The following CTNNA2 variants were observed in gnomAD, a reference collection of about 807,000 sequenced individuals.
CTNNA2 encodes the protein catenin alpha-2.
CTNNA2 carries 42 observed loss-of-function variants against 101.0 expected under a neutral mutation model. The ratio of observed to expected loss-of-function variants is 0.42; its 90% confidence interval spans 0.32 to 0.54. CTNNA2 has a LOEUF of 0.54. CTNNA2 is among the 20% of genes least tolerant of loss of function. CTNNA2 has a pLI of 0.14. For missense variants in CTNNA2, 871 were observed against 1,223.1 expected, an observed-to-expected ratio of 0.71 and a Z score of 4.29; for synonymous variants, 450 against 456.4, an observed-to-expected ratio of 0.99 and a Z score of 0.18.
chr2:79,271,345 G>A (rs1173601423), intron 2 of CTNNA2, among the ~76,000 whole-genome samples: 3 of 152,054 alleles, frequency 2.0e-5, no homozygotes, highest in South Asian at 2.1e-4. Context: ...TAATGCACAC[G>A]TGGGTCACTA....
At chr2:80,601,169 A>G (rs1212465505) in intron 15 of CTNNA2, among the ~76,000 whole-genome samples, 1 of 152,074 alleles carries the variant, frequency 6.6e-6, no homozygotes, top group Non-Finnish European at 1.5e-5. Flanking sequence ...TCCAGCACTC[A>G]TGTCAATTCT....
intron 4 of CTNNA2, among the ~76,000 whole-genome samples, chr2:79,485,270 A>G (rs723932): frequency 0.32 from 48,612 of 152,066 alleles, 8,581 homozygotes; most frequent in Non-Finnish European, 0.39. Context: ...ATAGAATCAC[A>G]GCATGCAATT....
intron 2 of CTNNA2, among the ~76,000 whole-genome samples, chr2:79,716,634 G>A (rs979055735): frequency 6.6e-6 from 1 of 152,142 alleles, no homozygotes; most frequent in Non-Finnish European, 1.5e-5. Context: ...GCAGCCCTAG[G>A]GAACGGCAGT....
chr2:79,857,360 C>A (rs1411736736), intron 3 of CTNNA2, among the ~76,000 whole-genome samples: 1 of 152,234 alleles, frequency 6.6e-6, no homozygotes, highest in African/African-American at 2.4e-5. Context: ...ACTTTGAACT[C>A]CTTGTGCCTG....
intron 7 of CTNNA2, among the ~76,000 whole-genome samples, chr2:80,284,106 C>T (rs942031150): frequency 6.6e-6 from 1 of 152,008 alleles, no homozygotes; most frequent in Admixed American, 6.6e-5. Flanking sequence ...ATACATTTAG[C>T]GGGACTACAC....
chr2:80,352,794 GTA>G (rs1673429763), intron 7 of CTNNA2, among the ~76,000 whole-genome samples: 1 of 151,916 alleles, frequency 6.6e-6, no homozygotes, highest in Non-Finnish European at 1.5e-5. Flanking sequence ...TAAGACAAAT[GTA>G]TCTTCAGTTG....
At chr2:79,715,832 G>T (rs1215662647) in intron 2 of CTNNA2, among the ~76,000 whole-genome samples, 1 of 148,458 alleles carries the variant, frequency 6.7e-6, no homozygotes, top group Non-Finnish European at 1.5e-5. Flanking sequence ...TATATACTAG[G>T]ATAGATACGT....
upstream of CTNNA2, among the ~76,000 whole-genome samples, chr2:79,508,502 T>A (rs1460798130): frequency 3.3e-5 from 5 of 152,106 alleles, no homozygotes; most frequent in South Asian, 2.1e-4. Flanking sequence ...AGAAGACATA[T>A]TAAAGCTTAT....
intron 3 of CTNNA2, among the ~76,000 whole-genome samples, chr2:79,829,744 G>T (rs62140158): frequency 1.4e-5 from 2 of 146,082 alleles, no homozygotes; most frequent in Admixed American, 1.4e-4. Flanking sequence ...TTTTGAGACG[G>T]AGTCTCGCTC....
At chr2:79,328,052 A>T (rs1573082398) in intron 3 of CTNNA2, among the ~76,000 whole-genome samples, 2 of 152,258 alleles carry the variant, frequency 1.3e-5, no homozygotes, top group East Asian at 3.9e-4. Flanking sequence ...GAAGAGTTAG[A>T]AGGGAAGCGA....
rs2104510819 is a variant in CTNNA2 at position 79,432,029 on chromosome 2, C to A, written c.-135+58016C>A. Among the ~76,000 whole-genome samples the A allele has an allele frequency of 2.0e-5, 3 of 152,284 alleles. 1 individual carries two copies. The highest frequency in any genetic ancestry group is 4.1e-4 in the South Asian group (2 of 4,828). On this transcript the variant is annotated intron_variant, in intron 4 of 21. Transcript: ENST00000466387. Reference sequence around the variant, plus strand: ...GAAAGATATTATAGGTGACTTCCAACATGGAGATGAGGAAGCTTCTTGATT... The same window carrying A: ...GAAAGATATTATAGGTGACTTCCAAAATGGAGATGAGGAAGCTTCTTGATT...
intron 4 of CTNNA2, among the ~76,000 whole-genome samples, chr2:79,420,330 C>G (rs576749112): frequency 1.4e-4 from 21 of 152,228 alleles, no homozygotes; most frequent in Admixed American, 2.6e-4. Flanking sequence ...GACCTGAGAT[C>G]GGTTGGTCAA....
chr2:79,407,701 A>G (rs1460567546), intron 4 of CTNNA2, among the ~76,000 whole-genome samples: 1 of 151,972 alleles, frequency 6.6e-6, no homozygotes, highest in Admixed American at 6.6e-5. Context: ...CCAGATAGTC[A>G]ATGAATTTTC....
At chr2:79,530,295 G>T (rs1278099685) in intron 1 of CTNNA2, among the ~76,000 whole-genome samples, 2 of 152,082 alleles carry the variant, frequency 1.3e-5, no homozygotes, top group African/African-American at 2.4e-5. Context: ...ACAAAAAAAA[G>T]CAGCATTTCT....
intron 7 of CTNNA2, among the ~76,000 whole-genome samples, chr2:80,060,989 G>T (rs1697563348): frequency 6.6e-6 from 1 of 152,026 alleles, no homozygotes; most frequent in Non-Finnish European, 1.5e-5. Flanking sequence ...CTACCCCCTG[G>T]AATGGCCTGA....
At chr2:79,438,571 A>C (rs935115749) in intron 4 of CTNNA2, among the ~76,000 whole-genome samples, 1 of 152,142 alleles carries the variant, frequency 6.6e-6, no homozygotes, top group Non-Finnish European at 1.5e-5. Flanking sequence ...GCCTCTACGC[A>C]CTAGATGCCA....
intron 2 of CTNNA2, among the ~76,000 whole-genome samples, chr2:79,656,071 T>A (rs899799499): frequency 2.6e-5 from 4 of 152,108 alleles, no homozygotes; most frequent in African/African-American, 7.2e-5. Context: ...GCCTTATATT[T>A]CCTCCTAGTA....
At chr2:80,176,519 T>C (rs185408339) in intron 7 of CTNNA2, among the ~76,000 whole-genome samples, 83 of 152,362 alleles carry the variant, frequency 5.4e-4, no homozygotes, top group Middle Eastern at 6.8e-3. Flanking sequence ...TATTCTGTAT[T>C]CCTTTTGCCT....
intron 2 of CTNNA2, among the ~76,000 whole-genome samples, chr2:79,264,730 C>A (rs1674968023): frequency 1.0e-5 from 1 of 99,122 alleles, no homozygotes; most frequent in African/African-American, 3.8e-5. Context: ...CTTGCTGCAA[C>A]CTATTTTTTT....
Sources: allele counts gnomAD v4.1 joint callset (sites outside exome capture counted in the v4.1 genomes callset), GRCh38; gene constraint gnomAD v4.1.1; transcripts MANE v1.5; gene names NCBI Gene and HGNC (gene_info 2026-07-23, HGNC 2026-07-21).